Variants in STIM2 observed in about 807,000 individuals in gnomAD.
STIM2 encodes stromal interaction molecule 2.
In STIM2, 31 loss-of-function variants were observed where a neutral mutation model predicts 85.8. The ratio of observed to expected loss-of-function variants is 0.36; its 90% confidence interval spans 0.27 to 0.49. The LOEUF is 0.49. Ranked by LOEUF, STIM2 falls within the 20% of genes least tolerant of loss-of-function variation. STIM2 has a pLI of 0.98. For missense variants in STIM2, 841 were observed against 927.6 expected (o/e 0.91, Z 1.21); for synonymous variants, 356 against 331.1 (o/e 1.08, Z -0.82).
chr4:26,995,344 G>A, intron 3 of STIM2, 35 bp from the exon 4 acceptor site: 1 of 1,188,198 alleles, frequency 8.4e-7, no homozygotes, highest in East Asian at 2.6e-5. Context: ...AAGCAGGTGT[G>A]TTTAAAATAT....
chr4:26,966,496 C>A (rs1726723330), intron 3 of STIM2, among the ~76,000 whole-genome samples: 1 of 152,108 alleles, frequency 6.6e-6, no homozygotes, highest in Non-Finnish European at 1.5e-5. Context: ...GTTTCTTTCT[C>A]AGACAAGTCT....
chr4:26,983,414 C>A (rs1727474990), intron 3 of STIM2, among the ~76,000 whole-genome samples: 1 of 152,166 alleles, frequency 6.6e-6, no homozygotes, highest in African/African-American at 2.4e-5. Flanking sequence ...GCTATGTATA[C>A]CAGCTGAAGG....
Position 27,017,818 on chromosome 4 carries a change from C to T in STIM2, c.1597C>T (p.Pro533Ser), listed in dbSNP as rs559835870. The T allele has an allele frequency of 6.2e-7, 1 of 1,614,116 alleles. No individual in the cohort carries two copies. The highest frequency in any genetic ancestry group is 1.3e-5 in the African/African-American group (1 of 75,018). ...TCAGCCTCAGCGAGCTCAGCTTGCT[C>T]CACACGCCCCCCACCCGTCACACCC... Residue 533 changes from proline (P) to serine (S), a missense_variant, in exon 11 of 12, where the codon CCA becomes TCA. Transcript: ENST00000467087.
At chr4:26,941,994 A>G (rs768741051) in intron 2 of STIM2, among the ~76,000 whole-genome samples, 10 of 152,170 alleles carry the variant, frequency 6.6e-5, no homozygotes, top group African/African-American at 4.8e-5. Context: ...CCTGTTGTGT[A>G]TTGTTTGGTC....
intron 3 of STIM2, among the ~76,000 whole-genome samples, chr4:26,980,497 C>T (rs139225778): frequency 2.0e-5 from 3 of 150,342 alleles, no homozygotes; most frequent in South Asian, 2.1e-4. Flanking sequence ...AAAACCAGTT[C>T]GTGCCTCTGG....
chr4:27,012,433 G>A (rs1333188048), intron 10 of STIM2, among the ~76,000 whole-genome samples: 1 of 134,198 alleles, frequency 7.5e-6, no homozygotes, highest in Non-Finnish European at 1.6e-5. Flanking sequence ...CTCTGTGCAG[G>A]TCTTGCTTTT....
Position 27,017,721 on chromosome 4 carries a change from TA to T in STIM2, c.1503del (p.Lys501AsnfsTer6). 6.2e-7 allele frequency: 1 copy of T among 1,614,034 alleles called. No individual in the cohort carries two copies. Among genetic ancestry groups the T allele is most frequent in the Non-Finnish European group, 8.5e-7 (1 of 1,179,932 alleles). On this transcript the variant is annotated frameshift_variant, in exon 11 of 12. Transcript: ENST00000467087. LOFTEE classifies it high-confidence loss of function. ...CTTGGTGTTTTTCAGGGACCATGGC[TA>T]AACCTCCTGGATCATTAGCCAGAAG...
intron 1 of STIM2, among the ~76,000 whole-genome samples, chr4:26,863,613 T>G (rs1219011207): frequency 3.3e-5 from 5 of 152,154 alleles, no homozygotes; most frequent in Non-Finnish European, 7.4e-5. Flanking sequence ...TTATTAGCAT[T>G]AGTGTACACT....
chr4:26,962,611 TGTGTC>T (rs1726525162), intron 3 of STIM2, among the ~76,000 whole-genome samples: 1 of 72,922 alleles, frequency 1.4e-5, no homozygotes, highest in Non-Finnish European at 2.9e-5. Flanking sequence ...TATGTGTGTC[TGTGTC>T]TGTGTGTAGA....
intron 1 of STIM2, chr4:26,873,728 T>C: frequency 1.1e-6 from 1 of 878,928 alleles, no homozygotes; most frequent in Non-Finnish European, 1.9e-6. Flanking sequence ...AGATGCTGAA[T>C]TTCTGCCTCC....
chr4:26,914,840 T>C (rs1724473661), intron 1 of STIM2, among the ~76,000 whole-genome samples: 1 of 152,182 alleles, frequency 6.6e-6, no homozygotes, highest in African/African-American at 2.4e-5. Context: ...GCAGGAAGTA[T>C]AGATATGTAT....
chr4:26,960,874 G>C (rs762314374), intron 3 of STIM2, among the ~76,000 whole-genome samples: 9 of 152,064 alleles, frequency 5.9e-5, no homozygotes. Flanking sequence ...GACCAGCCTG[G>C]CCAACATGGC....
At chr4:26,975,916 T>C (rs1282768798) in intron 3 of STIM2, among the ~76,000 whole-genome samples, 1 of 152,208 alleles carries the variant, frequency 6.6e-6, no homozygotes, top group African/African-American at 2.4e-5. Flanking sequence ...CAGTTCCAGC[T>C]ACCAGGCTGC....
intron 8 of STIM2, 103 bp downstream of exon 8, chr4:27,007,803 T>C (rs1200819046): frequency 1.6e-6 from 2 of 1,255,972 alleles, no homozygotes; most frequent in Non-Finnish European, 1.1e-6. Flanking sequence ...AGTTTTATTA[T>C]TACAGATTCT....
intron 3 of STIM2, among the ~76,000 whole-genome samples, chr4:26,975,385 C>G (rs546560446): frequency 2.0e-5 from 3 of 152,200 alleles, no homozygotes; most frequent in African/African-American, 7.2e-5. Flanking sequence ...GTTTTATCTA[C>G]TTTTGGTCTT....
intron 1 of STIM2, among the ~76,000 whole-genome samples, chr4:26,913,873 C>T (rs920200582): frequency 2.0e-5 from 3 of 152,062 alleles, no homozygotes; most frequent in Non-Finnish European, 2.9e-5. Flanking sequence ...TGCATTATGG[C>T]GGGAGAGTTA....
Position 27,008,408 on chromosome 4 carries a change from T to C in STIM2, c.1150-20T>C. The C allele has an allele frequency of 6.6e-7, 1 of 1,504,744 alleles. No individual in the cohort carries two copies. Among genetic ancestry groups the C allele is most frequent in the Non-Finnish European group, 9.0e-7 (1 of 1,110,558 alleles). 93.2% of individuals were successfully genotyped at this position (1,504,744 alleles called of 1,614,324 possible). A position where few individuals can be genotyped will look rare whatever the true frequency, so the allele number is the denominator to read the frequency against. On this transcript the variant is annotated intron_variant, in intron 8 of 11. Coordinates refer to ENST00000467087, the MANE Select transcript of STIM2 (RefSeq NM_020860.4). The stretch of plus-strand genomic sequence containing the variant: ...TATTTTTTTCAAACCTAGCCTTATT[T>C]AGTCCTTTTCGGTTTCTAGGCAGAA...
At chr4:26,901,155 A>G (rs1190674760) in intron 1 of STIM2, among the ~76,000 whole-genome samples, 2 of 152,206 alleles carry the variant, frequency 1.3e-5, no homozygotes, top group Non-Finnish European at 2.9e-5. Flanking sequence ...TAAAATCTCA[A>G]GCGTGCTTGT....
intron 2 of STIM2, among the ~76,000 whole-genome samples, chr4:26,947,474 G>T (rs1342595320): frequency 6.6e-6 from 1 of 152,148 alleles, no homozygotes; most frequent in African/African-American, 2.4e-5. Flanking sequence ...TGTGGGTGGG[G>T]AGTGGGGGAA....
Sources: gnomAD v4.1 joint callset for allele counts (sites outside exome capture counted in the v4.1 genomes callset) on GRCh38, gnomAD v4.1.1 for gene constraint, MANE v1.5 for transcripts, NCBI Gene and HGNC (gene_info 2026-07-23, HGNC 2026-07-21) for gene names.